The following PLCB4 variants were observed in gnomAD, a reference collection of about 807,000 sequenced individuals.
PLCB4 encodes the protein 1-phosphatidylinositol 4,5-bisphosphate phosphodiesterase beta-4.
Under a neutral mutation model 178.8 loss-of-function variants are expected in PLCB4, and 77 were observed. The ratio of observed to expected loss-of-function variants is 0.43; its 90% CI spans 0.36 to 0.52. PLCB4 has a LOEUF of 0.52. PLCB4 is among the 20% of genes least tolerant of loss of function. The pLI, the probability that PLCB4 is intolerant of heterozygous loss-of-function variation, is 0.00. For synonymous variants in PLCB4, 496 were observed against 490.8 expected (o/e 1.01, Z -0.14); for missense variants, 1,024 against 1,453.4 (o/e 0.70, Z 4.80).
chr20:9,284,244 A>G (rs989929239), intron 3 of PLCB4, among the ~76,000 whole-genome samples: 7 of 151,954 alleles, frequency 4.6e-5, no homozygotes, highest in African/African-American at 1.2e-4. Flanking sequence ...CATTTATACT[A>G]TGATCTGCAG....
At chr20:9,435,383 C>T (rs531758304) in intron 28 of PLCB4, among the ~76,000 whole-genome samples, 177 bp from the exon 29 acceptor site, 6 of 152,218 alleles carry the variant, frequency 3.9e-5, no homozygotes, top group African/African-American at 1.4e-4. Flanking sequence ...GCTTTTAACT[C>T]CTTTCTTGTT....
chr20:9,099,220 A>G (rs2091047061), intron 2 of PLCB4, among the ~76,000 whole-genome samples: 1 of 152,160 alleles, frequency 6.6e-6, no homozygotes, highest in Admixed American at 6.5e-5. Flanking sequence ...AGGTATCTGA[A>G]TCATGTTAAG....
chr20:9,128,548 C>T (rs1268466456), intron 2 of PLCB4, among the ~76,000 whole-genome samples: 2 of 152,130 alleles, frequency 1.3e-5, no homozygotes, highest in Non-Finnish European at 2.9e-5. Flanking sequence ...CCATGCCCAG[C>T]TAATTTTTGT....
chr20:9,324,233 C>G (rs1027739509), intron 4 of PLCB4, among the ~76,000 whole-genome samples: 1 of 151,832 alleles, frequency 6.6e-6, no homozygotes. Context: ...GCTCTCACGC[C>G]TGGCCAACAT....
intron 2 of PLCB4, among the ~76,000 whole-genome samples, chr20:9,185,314 T>A (rs1032579589): frequency 2.6e-5 from 4 of 152,304 alleles, no homozygotes; most frequent in Admixed American, 2.0e-4. Flanking sequence ...TCTATAGTTT[T>A]TTTTTTATTT....
chr20:9,277,986 G>T (rs1047600672), intron 3 of PLCB4, among the ~76,000 whole-genome samples: 2 of 151,980 alleles, frequency 1.3e-5, no homozygotes, highest in Admixed American at 1.3e-4. Flanking sequence ...CAACAACATT[G>T]CCTTAGAAGG....
intron 2 of PLCB4, among the ~76,000 whole-genome samples, chr20:9,108,036 A>G (rs1023043585): frequency 2.6e-5 from 4 of 152,146 alleles, no homozygotes; most frequent in African/African-American, 9.6e-5. Context: ...TGCCTGGGCA[A>G]TTGAAAAGAT....
intron 7 of PLCB4, among the ~76,000 whole-genome samples, chr20:9,358,937 G>T (rs1348700020): frequency 6.6e-6 from 1 of 152,060 alleles, no homozygotes; most frequent in Non-Finnish European, 1.5e-5. Flanking sequence ...AAAGCAAAAT[G>T]TTATTGGTGG....
intron 20 of PLCB4, among the ~76,000 whole-genome samples, chr20:9,403,997 A>G (rs2039239999): frequency 6.6e-6 from 1 of 152,190 alleles, no homozygotes. Flanking sequence ...ACTAGAGACT[A>G]TGCTTTTGAG....
chr20:9,204,397 T>TG (rs1308113490), intron 2 of PLCB4, among the ~76,000 whole-genome samples: 1 of 152,014 alleles, frequency 6.6e-6, no homozygotes, highest in African/African-American at 2.4e-5. Context: ...CTTGCTCTGT[T>TG]GACCAGGCTG....
chr20:9,446,990 A>C, intron 32 of PLCB4, among the ~76,000 whole-genome samples: 1 of 152,230 alleles, frequency 6.6e-6, no homozygotes, highest in East Asian at 1.9e-4. Flanking sequence ...TGAATCTATT[A>C]CCATTGGACA....
chr20:9,408,768 A>G (rs1199085349), intron 23 of PLCB4, 51 bp downstream of exon 23: 1 of 953,586 alleles, frequency 1.0e-6, no homozygotes, highest in Admixed American at 1.7e-5. Flanking sequence ...TTGGTTTGGC[A>G]AGAGCCTCTG....
At chr20:9,279,428 G>A (rs927618966) in intron 3 of PLCB4, among the ~76,000 whole-genome samples, 4 of 151,918 alleles carry the variant, frequency 2.6e-5, no homozygotes, top group African/African-American at 4.8e-5. Flanking sequence ...TAGAGAAAAC[G>A]TGAAGGGGGG....
intron 3 of PLCB4, among the ~76,000 whole-genome samples, chr20:9,300,353 A>G (rs2094688861): frequency 6.6e-6 from 1 of 152,130 alleles, no homozygotes; most frequent in Non-Finnish European, 1.5e-5. Context: ...TTTTTTTGTC[A>G]TAAGGTTGAA....
intron 1 of PLCB4, among the ~76,000 whole-genome samples, chr20:9,089,993 C>T (rs559415303): frequency 6.6e-6 from 1 of 152,242 alleles, no homozygotes; most frequent in South Asian, 2.1e-4. Context: ...TCCTAATTTA[C>T]TAGAAAGCTT....
chr20:9,286,013 G>A (rs2147730254), intron 3 of PLCB4, among the ~76,000 whole-genome samples: 1 of 152,124 alleles, frequency 6.6e-6, no homozygotes, highest in South Asian at 2.1e-4. Flanking sequence ...TATAGTTTGT[G>A]GGATTCTCTT....
chr20:9,190,923 T>A lies in PLCB4; in HGVS notation c.-78-26467T>A, dbSNP rs369150330. Among the ~76,000 whole-genome samples the A allele has an allele frequency of 2.1e-4, 32 of 152,248 alleles. No homozygotes were observed. In the South Asian group the frequency reaches 5.8e-3, roughly 28 times the overall value. ...ACAGAAAGGGACTTAAATCCAGACA[T>A]GTCTAACTACTAACCCCCTCCTCCT... is the stretch of plus-strand genomic sequence containing the variant. On this transcript the variant is annotated intron_variant, in intron 2 of 39. Transcript: ENST00000378473.
chr20:9,152,797 A>G (rs996264239), intron 2 of PLCB4, among the ~76,000 whole-genome samples: 4 of 152,220 alleles, frequency 2.6e-5, no homozygotes, highest in Admixed American at 6.5e-5. Context: ...AGCTTGCACC[A>G]TGTGCCTGGA....
intron 3 of PLCB4, among the ~76,000 whole-genome samples, chr20:9,236,457 A>C (rs901740835): frequency 6.6e-6 from 1 of 152,166 alleles, no homozygotes; most frequent in Non-Finnish European, 1.5e-5. Context: ...TTTTTTTGCA[A>C]ATACGACTCT....
Sources: gnomAD v4.1 joint callset for allele counts (sites outside exome capture counted in the v4.1 genomes callset) on GRCh38, gnomAD v4.1.1 for gene constraint, MANE v1.5 for transcripts, NCBI Gene and HGNC (gene_info 2026-07-23, HGNC 2026-07-21) for gene names.